The following GRIA1 variants were observed in gnomAD, a reference collection of about 807,000 sequenced individuals.
GRIA1 encodes glutamate receptor 1.
In GRIA1, 31 loss-of-function variants were observed where a neutral mutation model predicts 99.2. The observed-to-expected ratio is 0.31, with a 90% CI of 0.23 to 0.42. The LOEUF is 0.42. GRIA1 is among the 10% of genes least tolerant of loss of function. The probability of loss-of-function intolerance (pLI) is 1.00; values close to 1 mark genes in which losing one functional copy is unlikely to be tolerated. For synonymous variants in GRIA1, 438 were observed against 432.4 expected (o/e 1.01, Z -0.16); for missense variants, 782 against 1,157.5 (o/e 0.68, Z 4.71).
chr5:153,713,165 G>A (rs1450797120), intron 11 of GRIA1, among the ~76,000 whole-genome samples: 4 of 152,252 alleles, frequency 2.6e-5, no homozygotes, highest in African/African-American at 4.8e-5. Context: ...CATGCTGGGT[G>A]AGCGAGGCCC....
intron 2 of GRIA1, among the ~76,000 whole-genome samples, chr5:153,533,820 C>T (rs897560949): frequency 7.9e-5 from 12 of 152,196 alleles, no homozygotes; most frequent in African/African-American, 2.7e-4. Context: ...TAAGCACATC[C>T]CATGCATAAT....
At chr5:153,706,374 C>T (rs767281392) in intron 11 of GRIA1, among the ~76,000 whole-genome samples, 6 of 152,180 alleles carry the variant, frequency 3.9e-5, no homozygotes, top group Admixed American at 6.5e-5. Context: ...TGTGGTACAA[C>T]TAACACTTAT....
At chr5:153,545,776 C>T (rs906367354) in intron 2 of GRIA1, among the ~76,000 whole-genome samples, 5 of 152,158 alleles carry the variant, frequency 3.3e-5, no homozygotes, top group African/African-American at 1.2e-4. Flanking sequence ...AATTGAAGCT[C>T]CTGAGATGGC....
intron 2 of GRIA1, among the ~76,000 whole-genome samples, chr5:153,522,974 C>T (rs1432488198): frequency 1.3e-5 from 2 of 151,272 alleles, no homozygotes; most frequent in African/African-American, 4.9e-5. Context: ...TGTAGCAGCT[C>T]TCCTGTATAA....
chr5:153,676,572 A>C (rs1756601031), intron 6 of GRIA1, among the ~76,000 whole-genome samples: 1 of 152,180 alleles, frequency 6.6e-6, no homozygotes, highest in Non-Finnish European at 1.5e-5. Flanking sequence ...TTTCCAGCTG[A>C]TGACTGTAAT....
chr5:153,621,760 G>T (rs1767072102), intron 2 of GRIA1, among the ~76,000 whole-genome samples: 1 of 152,146 alleles, frequency 6.6e-6, no homozygotes, highest in South Asian at 2.1e-4. Flanking sequence ...GCAAAAGTCT[G>T]ATATTAACCA....
chr5:153,738,280 A>G (rs148488382), intron 11 of GRIA1, among the ~76,000 whole-genome samples: 103 of 152,288 alleles, frequency 6.8e-4, no homozygotes, highest in Admixed American at 2.9e-3. Flanking sequence ...CTCCTCAGAA[A>G]ATGTCACCAC....
At chr5:153,804,732 AATTTATTTATTTATTTATTT>A (rs201693712) in intron 15 of GRIA1, among the ~76,000 whole-genome samples, 3 of 76,086 alleles carry the variant, frequency 3.9e-5, no homozygotes, top group African/African-American at 6.2e-5. Flanking sequence ...TTAATTAATT[AATTTATTTATTTATTTATTT>A]ATTTATTTAT....
rs1332781000 is a variant in GRIA1 at position 153,590,505 on chromosome 5, AATGTGTGTGTGTGTGTGT to A, written c.221-56422_221-56405del. 2.6e-5 allele frequency among the ~76,000 whole-genome samples: 3 copies of A among 115,746 alleles called. No individual in the cohort carries two copies. In the East Asian group the frequency reaches 7.3e-4, roughly 28 times the overall value. 75.9% of individuals were successfully genotyped at this position (115,746 alleles called of 152,430 possible). ...ATGTGCAAACTCAACAAGCTATTGA[AATGTGTGTGTGTGTGTGT>A]GTGTGTGTGTGTGTGTGTGTGTGTG... On this transcript the variant is annotated intron_variant, in intron 2 of 15. Transcript: ENST00000285900.
In GRIA1 at chr5:153,729,998, C is replaced by T. The variant is rs578195481; in HGVS notation, c.1823+23931C>T. 7.9e-5 allele frequency among the ~76,000 whole-genome samples: 12 copies of T among 152,174 alleles called. No homozygotes were observed. The East Asian group carries it at 9.7e-4, about 12-fold the overall frequency. On this transcript the variant is annotated intron_variant, in intron 11 of 15. Transcript: ENST00000285900. Reference sequence around the variant, plus strand: ...AGTAAAAAAATGCCCATTAAATAATCGAACATTTAACAATGTGGGGCTAGC... The same window carrying T: ...AGTAAAAAAATGCCCATTAAATAATTGAACATTTAACAATGTGGGGCTAGC...
chr5:153,742,225 C>T (rs1761853681), intron 11 of GRIA1, among the ~76,000 whole-genome samples: 1 of 152,058 alleles, frequency 6.6e-6, no homozygotes, highest in African/African-American at 2.4e-5. Context: ...TCTAAAGGCA[C>T]ATATGGGGAA....
chr5:153,701,632 A>AAAAAAAAAAAAAAAAAAAAAAAAAAAC, intron 10 of GRIA1, among the ~76,000 whole-genome samples: 1 of 148,666 alleles, frequency 6.7e-6, no homozygotes, highest in Admixed American at 6.8e-5. Flanking sequence ...AAAAAAAAAA[A>AAAAAAAAAAAAAAAAAAAAAAAAAAAC]AAAAAAAAAA....
intron 11 of GRIA1, among the ~76,000 whole-genome samples, chr5:153,750,422 A>G (rs557067882): frequency 6.6e-4 from 100 of 152,296 alleles, no homozygotes; most frequent in African/African-American, 2.3e-3. Flanking sequence ...ATGAAGGCAC[A>G]CAGGAGGTGT....
intron 7 of GRIA1, among the ~76,000 whole-genome samples, chr5:153,679,209 G>C (rs1756801727): frequency 6.6e-6 from 1 of 152,178 alleles, no homozygotes; most frequent in Admixed American, 6.5e-5. Context: ...ATAAAAGAAA[G>C]CAAGGCCTGC....
intron 2 of GRIA1, among the ~76,000 whole-genome samples, chr5:153,631,513 T>C (rs1377990647): frequency 2.6e-5 from 4 of 152,248 alleles, no homozygotes; most frequent in African/African-American, 9.6e-5. Flanking sequence ...TTTCTGAAAC[T>C]AAATACTTTT....
intron 5 of GRIA1, among the ~76,000 whole-genome samples, chr5:153,657,406 T>C (rs1755035641): frequency 6.6e-6 from 1 of 152,350 alleles, no homozygotes; most frequent in Non-Finnish European, 1.5e-5. Context: ...CAATTTTCCA[T>C]GTTTCCATTA....
At chr5:153,724,591 G>A (rs1467792727) in intron 11 of GRIA1, among the ~76,000 whole-genome samples, 2 of 152,214 alleles carry the variant, frequency 1.3e-5, no homozygotes, top group Admixed American at 1.3e-4. Flanking sequence ...TGAGAACTAC[G>A]TGAAGAATGC....
chr5:153,540,512 C>T (rs1169005099), intron 2 of GRIA1, among the ~76,000 whole-genome samples: 7 of 152,176 alleles, frequency 4.6e-5, no homozygotes, highest in Non-Finnish European at 1.5e-5. Flanking sequence ...TCCTCTCTGC[C>T]TCAACTCCCA....
Position 153,794,747 on chromosome 5 carries a change from T to TA in GRIA1, c.2385+14dup, listed in dbSNP as rs1581668754. The stretch of plus-strand genomic sequence containing the variant: ...GAGGTGATTCCAAGGTCAGCCCCAG[T>TA]AAGAAAAAAAAAAACCTAGTGGGTA... On this transcript the variant is annotated intron_variant, in intron 14 of 15. Coordinates refer to ENST00000285900, the MANE Select transcript of GRIA1 (RefSeq NM_000827.4). 1.3e-6 allele frequency: 2 copies of TA among 1,528,152 alleles called. No individual in the cohort carries two copies. The highest frequency in any genetic ancestry group is 2.3e-5 in the East Asian group (1 of 44,306). The allele number at this position is 1,528,152 out of a possible 1,614,324, so 94.7% of individuals were successfully genotyped here.
Sources: allele counts gnomAD v4.1 joint callset (sites outside exome capture counted in the v4.1 genomes callset), GRCh38; gene constraint gnomAD v4.1.1; transcripts MANE v1.5; gene names NCBI Gene and HGNC (gene_info 2026-07-23, HGNC 2026-07-21).